The following CACHD1 variants were observed in gnomAD, a reference collection of about 807,000 sequenced individuals.
CACHD1 encodes the protein VWFA and cache domain-containing protein 1.
Under a neutral mutation model 138.7 loss-of-function variants are expected in CACHD1, and 71 were observed. That is an observed-to-expected ratio of 0.51 (90% CI 0.42 to 0.62). The LOEUF is 0.62. Among genes scored for constraint, CACHD1 ranks in the 20% least tolerant of loss-of-function variants. CACHD1 has a pLI of 0.00. For synonymous variants in CACHD1, 578 were observed against 591.5 expected (o/e 0.98, Z 0.33); for missense variants, 1,389 against 1,625.3 (o/e 0.85, Z 2.50).
intron 16 of CACHD1, 50 bp from the exon 17 acceptor site, chr1:64,671,514 T>C (rs1242650137): frequency 1.2e-6 from 2 of 1,601,752 alleles, no homozygotes; most frequent in African/African-American, 2.7e-5. Flanking sequence ...ATAGCTTTTA[T>C]CCTTAAATAA....
intron 2 of CACHD1, among the ~76,000 whole-genome samples, chr1:64,577,307 A>G (rs935351831): frequency 4.6e-5 from 7 of 152,156 alleles, no homozygotes; most frequent in African/African-American, 1.4e-4. Flanking sequence ...CTTGATTTTC[A>G]TAGGAATTTT....
chr1:64,644,168 T>A, intron 8 of CACHD1, among the ~76,000 whole-genome samples: 1 of 152,250 alleles, frequency 6.6e-6, no homozygotes, highest in East Asian at 1.9e-4. Flanking sequence ...CCTGGGCACG[T>A]GCCCATCAGT....
chr1:64,576,999 A>G (rs1189744833), intron 2 of CACHD1, among the ~76,000 whole-genome samples: 1 of 151,752 alleles, frequency 6.6e-6, no homozygotes, highest in Non-Finnish European at 1.5e-5. Context: ...GGTGGAGTGC[A>G]GTGGCACGAT....
In CACHD1 at chr1:64,664,594, C is replaced by T; in HGVS notation, c.2191C>T (p.Arg731Cys). 6.2e-7 allele frequency: 1 copy of T among 1,614,148 alleles called. No homozygotes were observed. The highest frequency in any genetic ancestry group is 8.5e-7 in the Non-Finnish European group (1 of 1,180,008). ...TAGCCTGAACACTTACATTGTCCGC[C>T]GTTACATAGCAACACCCAATGGCGT... is the stretch of plus-strand genomic sequence containing the variant. ...MSSLNTYIVR[R>C]YIATPNGVLR... is the part of the protein sequence containing the mutation. The change falls in exon 15 of 27, where the codon CGT becomes TGT. Residue 731 changes from arginine to cysteine, a missense_variant. Arg to Cys is a radical substitution (Grantham distance 180, BLOSUM62 -3). Coordinates refer to ENST00000651257, the MANE Select transcript of CACHD1 (RefSeq NM_020925.4).
intron 1 of CACHD1, among the ~76,000 whole-genome samples, chr1:64,488,391 A>G (rs1429645712): frequency 1.3e-5 from 2 of 152,104 alleles, no homozygotes; most frequent in African/African-American, 2.4e-5. Context: ...AACCTGGTAA[A>G]TTTCTTGTTG....
chr1:64,688,176 T>C (rs1478462334), intron 26 of CACHD1, among the ~76,000 whole-genome samples: 1 of 151,998 alleles, frequency 6.6e-6, no homozygotes, highest in Non-Finnish European at 1.5e-5. Context: ...TCAGTTAGTG[T>C]GTGGGTGCTT....
intron 3 of CACHD1, among the ~76,000 whole-genome samples, chr1:64,585,164 G>A (rs1647042312): frequency 6.6e-6 from 1 of 152,194 alleles, no homozygotes; most frequent in South Asian, 2.1e-4. Flanking sequence ...CAGCCATGCT[G>A]TTGAAGCTGA....
chr1:64,627,120 C>G (rs1648124236), intron 4 of CACHD1, among the ~76,000 whole-genome samples: 1 of 152,110 alleles, frequency 6.6e-6, no homozygotes, highest in South Asian at 2.1e-4. Context: ...CAGATAAAAT[C>G]TCAGGGCTGG....
chr1:64,512,393 C>CAAAAAAAAAAAAAAAAAAAAAAAAAAAAA (rs551616431), intron 1 of CACHD1, among the ~76,000 whole-genome samples: 2 of 78,598 alleles, frequency 2.5e-5, no homozygotes, highest in African/African-American at 1.3e-4. Context: ...GACTGTGTCT[C>CAAAAAAAAAAAAAAAAAAAAAAAAAAAAA]AAAAAAAAAA....
chr1:64,639,867 G>A (rs1182688276), intron 7 of CACHD1, among the ~76,000 whole-genome samples: 1 of 152,178 alleles, frequency 6.6e-6, no homozygotes, highest in East Asian at 1.9e-4. Context: ...GCATAGCTGG[G>A]TGCCTCTGGC....
intron 12 of CACHD1, among the ~76,000 whole-genome samples, chr1:64,655,031 C>T (rs1649219355): frequency 6.6e-6 from 1 of 152,060 alleles, no homozygotes; most frequent in African/African-American, 2.4e-5. Context: ...ATTCATCAAA[C>T]CATATAAAAG....
chr1:64,541,652 A>G (rs1271080140), intron 1 of CACHD1, among the ~76,000 whole-genome samples: 1 of 151,448 alleles, frequency 6.6e-6, no homozygotes, highest in African/African-American at 2.4e-5. Flanking sequence ...TACCAAACAA[A>G]ACAAAACAAA....
chr1:64,664,305 G>C, intron 14 of CACHD1, 193 bp from the exon 15 acceptor site: 1 of 594,562 alleles, frequency 1.7e-6, no homozygotes, highest in Non-Finnish European at 3.0e-6. Context: ...GAGTGATCAC[G>C]CATCTGCTGA....
At chr1:64,529,863 G>A (rs1557477701) in intron 1 of CACHD1, among the ~76,000 whole-genome samples, 1 of 152,074 alleles carries the variant, frequency 6.6e-6, no homozygotes, top group Non-Finnish European at 1.5e-5. Context: ...TACTTTAGAG[G>A]GTTTTTATAA....
chr1:64,673,045 C>T (rs1188307934), intron 17 of CACHD1, 113 bp from the exon 18 acceptor site: 3 of 878,350 alleles, frequency 3.4e-6, no homozygotes, highest in Non-Finnish European at 5.6e-6. Context: ...TTATTGAGAA[C>T]CTGGGATAAA....
At chr1:64,583,543 G>T (rs1011588727) in intron 3 of CACHD1, among the ~76,000 whole-genome samples, 3 of 152,190 alleles carry the variant, frequency 2.0e-5, no homozygotes, top group African/African-American at 7.2e-5. Context: ...TTCTAAACAA[G>T]TATTAGCTGT....
At position 64,637,651 on chromosome 1, in the gene CACHD1, G is replaced by C. The variant is rs369059443; in HGVS notation, c.1006+3391G>C. On this transcript the variant is annotated intron_variant, in intron 7 of 26. Transcript: ENST00000651257. ...CATGGCAAGAAGATTGACCATTAAA[G>C]ACTTGGACAAATTTTGAAGGCACAG... 6.0e-4 allele frequency among the ~76,000 whole-genome samples: 91 copies of C among 152,290 alleles called. 2 individuals carry two copies. In the South Asian group the frequency reaches 0.018, roughly 30 times the overall value.
chr1:64,493,924 C>G (rs529837981), intron 1 of CACHD1, among the ~76,000 whole-genome samples: 10 of 152,326 alleles, frequency 6.6e-5, no homozygotes, highest in Non-Finnish European at 1.3e-4. Flanking sequence ...GGAAGGGAGC[C>G]TTTGTGTATT....
At chr1:64,538,286 T>C (rs1174360419) in intron 1 of CACHD1, among the ~76,000 whole-genome samples, 3 of 152,258 alleles carry the variant, frequency 2.0e-5, no homozygotes, top group South Asian at 2.1e-4. Context: ...ATTGATTCTA[T>C]TTAAATTTTC....
Sources: allele counts gnomAD v4.1 joint callset (sites outside exome capture counted in the v4.1 genomes callset), GRCh38; gene constraint gnomAD v4.1.1; transcripts MANE v1.5; gene names NCBI Gene and HGNC (gene_info 2026-07-23, HGNC 2026-07-21).